PALLD: variants seen among roughly 807,000 people sequenced by gnomAD.
The protein encoded by PALLD is palladin, cytoskeletal associated protein.
Under a neutral mutation model 123.5 loss-of-function variants are expected in PALLD, and 61 were observed. The ratio of observed to expected loss-of-function variants is 0.49; its 90% CI spans 0.40 to 0.61. The LOEUF (loss-of-function observed/expected upper bound fraction) is 0.61. Among genes scored for constraint, PALLD ranks in the 20% least tolerant of loss-of-function variants. PALLD has a pLI of 0.00. For missense variants in PALLD, 1,273 were observed against 1,377.0 expected, an observed-to-expected ratio of 0.92 and a Z score of 1.20; for synonymous variants, 465 against 496.4, an observed-to-expected ratio of 0.94 and a Z score of 0.84.
At position 168,844,711 on chromosome 4, in the gene PALLD, G is replaced by T. The variant is rs1746548269; in HGVS notation, c.1965-46211G>T. ...TTCCCTGCCAACTTCCTAATAAAGGGTGAACTCCAAATATTAAAAAGTTAT... is the reference window on the plus strand; with the variant it reads ...TTCCCTGCCAACTTCCTAATAAAGGTTGAACTCCAAATATTAAAAAGTTAT... On this transcript the variant is annotated intron_variant, in intron 10 of 21. Coordinates refer to ENST00000505667, the MANE Select transcript of PALLD (RefSeq NM_001166108.2). The surrounding 1 kb of genome is among the most constrained non-coding windows in gnomAD (Gnocchi z 4.5). The T allele has an allele frequency of 6.6e-6, 1 of 152,172 alleles. No homozygotes were observed. The highest frequency in any genetic ancestry group is 2.4e-5 in the African/African-American group (1 of 41,432). 9.4% of individuals were successfully genotyped at this position (152,172 alleles called of 1,614,324 possible).
At chr4:168,832,264 A>T in intron 10 of PALLD, 1 of 521,280 alleles carries the variant, frequency 1.9e-6, no homozygotes, top group Non-Finnish European at 2.5e-6. Context: ...TCGGGAGTGC[A>T]GGGCTCGGGA....
At chr4:168,535,934 C>T in intron 2 of PALLD, among the ~76,000 whole-genome samples, 1 of 152,126 alleles carries the variant, frequency 6.6e-6, no homozygotes, top group East Asian at 1.9e-4. Flanking sequence ...ACATAAGCAA[C>T]GTGGTGTGTA....
At chr4:168,607,167 G>A (rs968173463) in intron 2 of PALLD, among the ~76,000 whole-genome samples, 1 of 152,094 alleles carries the variant, frequency 6.6e-6, no homozygotes, top group African/African-American at 2.4e-5. Context: ...ATGGTACAAA[G>A]GAGGGAGTGA....
At position 168,691,264 on chromosome 4, in the gene PALLD, A is replaced by G. The variant is rs767770753; in HGVS notation, c.1478-5A>G. ...TCTAATTTATTTTTTTCATGTGGCAAACAGAACCTAGATCTACAGCTGAAC... is the reference window on the plus strand; with the variant it reads ...TCTAATTTATTTTTTTCATGTGGCAGACAGAACCTAGATCTACAGCTGAAC... On this transcript the variant is annotated splice_polypyrimidine_tract_variant and splice_region_variant and intron_variant, in intron 7 of 21. Coordinates refer to ENST00000505667, the MANE Select transcript of PALLD (RefSeq NM_001166108.2). 1 of 1,609,802 alleles carries G rather than the reference A, an allele frequency of 6.2e-7. No homozygotes were observed. Among genetic ancestry groups the G allele is most frequent in the Non-Finnish European group, 8.5e-7 (1 of 1,176,754 alleles).
At chr4:168,588,977 A>G (rs1024730917) in intron 2 of PALLD, among the ~76,000 whole-genome samples, 1 of 152,180 alleles carries the variant, frequency 6.6e-6, no homozygotes, top group Non-Finnish European at 1.5e-5. Context: ...CTTGACAGTG[A>G]GTTTTTATGT....
At chr4:168,606,879 T>C (rs990568150) in intron 2 of PALLD, among the ~76,000 whole-genome samples, 11 of 152,144 alleles carry the variant, frequency 7.2e-5, no homozygotes, top group Non-Finnish European at 1.5e-4. Context: ...TAGGCCTTCC[T>C]GAGATCAGAG....
chr4:168,672,791 G>A (rs1452829483), intron 3 of PALLD, among the ~76,000 whole-genome samples: 2 of 152,088 alleles, frequency 1.3e-5, no homozygotes, highest in South Asian at 2.1e-4. Flanking sequence ...GTTAAGCACC[G>A]CATGTTCTCA....
chr4:168,876,467 A>C (rs1355105247), intron 10 of PALLD, among the ~76,000 whole-genome samples: 1 of 152,240 alleles, frequency 6.6e-6, no homozygotes, highest in Non-Finnish European at 1.5e-5. Context: ...TATTAAGAAC[A>C]TAGAACCATC....
At chr4:168,705,788 C>G (rs1329825156) in intron 8 of PALLD, among the ~76,000 whole-genome samples, 1 of 152,108 alleles carries the variant, frequency 6.6e-6, no homozygotes, top group Non-Finnish European at 1.5e-5. Context: ...AGGCACCTGC[C>G]ACCATGCCTG....
At chr4:168,612,855 T>G (rs1773871343) in intron 2 of PALLD, among the ~76,000 whole-genome samples, 1 of 151,704 alleles carries the variant, frequency 6.6e-6, no homozygotes, top group African/African-American at 2.4e-5. Flanking sequence ...TAGAAGGGAG[T>G]GTGGAGGAAA....
At chr4:168,887,828 A>AGGGAG (rs386402212) in intron 10 of PALLD, among the ~76,000 whole-genome samples, 1 of 151,308 alleles carries the variant, frequency 6.6e-6, no homozygotes, top group Non-Finnish European at 1.5e-5. Context: ...TGAGGAAGGG[A>AGGGAG]GGGGAGAGAG....
chr4:168,580,477 G>A (rs1323480444), intron 2 of PALLD, among the ~76,000 whole-genome samples: 2 of 151,994 alleles, frequency 1.3e-5, no homozygotes, highest in African/African-American at 4.8e-5. Flanking sequence ...AAAATAACAG[G>A]TGCTGGTGAA....
Position 168,512,174 on chromosome 4 carries a change from ATGG to A in PALLD, c.671_673del (p.Met224_Glu225delinsLys). The A allele has an allele frequency of 6.2e-7, 1 of 1,614,036 alleles. No individual in the cohort carries two copies. ...GAGTGCCTCAGCCAGCCAGAGCCCT[ATGG>A]AAGACCAAGGGGAGATGGAAAGAGA... is the stretch of plus-strand genomic sequence containing the variant. On this transcript the variant is annotated inframe_deletion, in exon 2 of 22. Transcript: ENST00000505667.
intron 10 of PALLD, among the ~76,000 whole-genome samples, chr4:168,849,833 G>A (rs72975207): frequency 0.052 from 7,942 of 151,496 alleles, 699 homozygotes; most frequent in African/African-American, 0.18. Flanking sequence ...GGCTGCATCA[G>A]GGGGCTCATA....
intron 2 of PALLD, among the ~76,000 whole-genome samples, chr4:168,640,205 G>A (rs940782892): frequency 1.8e-4 from 27 of 152,152 alleles, no homozygotes; most frequent in Admixed American, 9.2e-4. Context: ...ACACTGCTTA[G>A]CCTGTGTTTG....
intron 15 of PALLD, among the ~76,000 whole-genome samples, chr4:168,907,607 G>A (rs971705515): frequency 1.3e-5 from 2 of 152,186 alleles, no homozygotes; most frequent in Non-Finnish European, 2.9e-5. Flanking sequence ...TCAGGGCCAA[G>A]AGAAGCCCCA....
At chr4:168,836,151 G>C (rs758838813) in intron 10 of PALLD, among the ~76,000 whole-genome samples, 5 of 152,162 alleles carry the variant, frequency 3.3e-5, no homozygotes, top group African/African-American at 4.8e-5. Context: ...TTTGGATAAT[G>C]ACTACGAGGA....
Position 168,776,238 on chromosome 4 carries a change from CTT to C in PALLD, c.1964+64316_1964+64317del, listed in dbSNP as rs1168698951. ...GCTATGAGTTTTCAGTGTAACAGGT[CTT>C]GTACATCTTTTGTTAGATTTATTCC... On this transcript the variant is annotated intron_variant, in intron 10 of 21. Coordinates refer to ENST00000505667, the MANE Select transcript of PALLD (RefSeq NM_001166108.2). Among the ~76,000 whole-genome samples the C allele has an allele frequency of 3.9e-5, 6 of 152,120 alleles. No homozygotes were observed. In the South Asian group the frequency reaches 6.2e-4, roughly 16 times the overall value.
intron 10 of PALLD, among the ~76,000 whole-genome samples, chr4:168,712,747 C>G (rs1417504986): frequency 6.6e-6 from 1 of 152,126 alleles, no homozygotes; most frequent in African/African-American, 2.4e-5. Flanking sequence ...GTCACATTCC[C>G]ATGAGAATGT....
Sources: gnomAD v4.1 joint callset for allele counts (sites outside exome capture counted in the v4.1 genomes callset) on GRCh38, gnomAD v4.1.1 for gene constraint, Gnocchi (gnomAD v3.1) non-coding constraint, MANE v1.5 for transcripts, NCBI Gene and HGNC (gene_info 2026-07-23, HGNC 2026-07-21) for gene names.